The following EPB41L4B variants were observed in gnomAD, a reference collection of about 807,000 sequenced individuals.
EPB41L4B encodes band 4.1-like protein 4B.
EPB41L4B carries 30 observed loss-of-function variants against 112.5 expected under a neutral mutation model. The observed-to-expected ratio is 0.27, with a 90% CI of 0.20 to 0.36. EPB41L4B has a LOEUF of 0.36. Among genes scored for constraint, EPB41L4B ranks in the 10% least tolerant of loss-of-function variants. EPB41L4B has a pLI of 1.00. For synonymous variants in EPB41L4B, 408 were observed against 439.7 expected (o/e 0.93, Z 0.90); for missense variants, 1,024 against 1,133.3 (o/e 0.90, Z 1.38).
In EPB41L4B at chr9:109,266,294, T is replaced by C. The variant is rs1014866001; in HGVS notation, c.533+1179A>G. On this transcript the variant is annotated intron_variant, in intron 4 of 25. Coordinates refer to ENST00000374566, the MANE Select transcript of EPB41L4B (RefSeq NM_019114.5). ...GGGAGGCTGAGGTGGGAGGATCACT[T>C]GAGCCTGGGAGGTTGAGGCTGCAGT... Among the ~76,000 whole-genome samples the C allele has an allele frequency of 5.9e-5, 9 of 152,186 alleles. No individual in the cohort carries two copies. In the South Asian group the frequency reaches 1.7e-3, roughly 28 times the overall value.
At chr9:109,289,217 A>G (rs945118367) in intron 1 of EPB41L4B, among the ~76,000 whole-genome samples, 3 of 152,090 alleles carry the variant, frequency 2.0e-5, no homozygotes, top group Non-Finnish European at 4.4e-5. Context: ...AGGACCCTAC[A>G]TGTACCCTAG....
At position 109,275,552 on chromosome 9, in the gene EPB41L4B, AC is replaced by A. The variant is rs200867436; in HGVS notation, c.411+4264del. 4.6e-5 allele frequency among the ~76,000 whole-genome samples: 7 copies of A among 152,214 alleles called. No homozygotes were observed. The East Asian group carries it at 1.2e-3, about 25-fold the overall frequency. On this transcript the variant is annotated intron_variant, in intron 2 of 25. Transcript: ENST00000374566. ...TTACAGGTTCCAATCAGCTAACTGT[AC>A]CTTCTTAGCATGCTCACCCCTGGGG...
chr9:109,307,774 G>C (rs1837265552), intron 1 of EPB41L4B, among the ~76,000 whole-genome samples: 1 of 152,268 alleles, frequency 6.6e-6, no homozygotes, highest in Non-Finnish European at 1.5e-5. Flanking sequence ...AGGAGAGCTG[G>C]AGAAAGCCCC....
At chr9:109,320,066 T>C in intron 1 of EPB41L4B, 75 bp downstream of exon 1, 2 of 1,250,520 alleles carry the variant, frequency 1.6e-6, no homozygotes, top group Non-Finnish European at 2.1e-6. Flanking sequence ...GCGCCCCCGA[T>C]GCAAGCACTG....
intron 15 of EPB41L4B, among the ~76,000 whole-genome samples, chr9:109,222,526 G>A (rs974722236): frequency 2.0e-5 from 3 of 152,208 alleles, no homozygotes; most frequent in East Asian, 1.9e-4. Flanking sequence ...CAGAGGTCAA[G>A]CCCACCCTAG....
At chr9:109,230,261 G>A (rs1201468130) in intron 15 of EPB41L4B, among the ~76,000 whole-genome samples, 1 of 152,240 alleles carries the variant, frequency 6.6e-6, no homozygotes, top group Non-Finnish European at 1.5e-5. Flanking sequence ...GTAAATGGCA[G>A]AGCTGGGATT....
At chr9:109,183,882 T>A (rs1350923047) in intron 23 of EPB41L4B, among the ~76,000 whole-genome samples, 1 of 152,176 alleles carries the variant, frequency 6.6e-6, no homozygotes, top group Non-Finnish European at 1.5e-5. Context: ...ACACATTAGC[T>A]CAGACCCAAA....
chr9:109,313,371 T>C (rs550893717), intron 1 of EPB41L4B, among the ~76,000 whole-genome samples: 1 of 152,318 alleles, frequency 6.6e-6, no homozygotes, highest in East Asian at 1.9e-4. Context: ...AAAATTAATC[T>C]AGCTCTAGAG....
rs143435574 is a variant in EPB41L4B at position 109,281,917 on chromosome 9, T to C, written c.307-1996A>G. Among the ~76,000 whole-genome samples, 127 of 152,262 alleles carry C rather than the reference T, an allele frequency of 8.3e-4. 1 individual carries two copies. The East Asian group carries it at 0.022, about 26-fold the overall frequency. On this transcript the variant is annotated intron_variant, in intron 1 of 25. Transcript: ENST00000374566. Reference sequence around the variant, plus strand: ...TCTAGGTAAGAGAAATGAAAACATATGTTCACGTAAAAACTTGTACACAAA... The same window carrying C: ...TCTAGGTAAGAGAAATGAAAACATACGTTCACGTAAAAACTTGTACACAAA...
At chr9:109,197,252 G>A (rs759080652) in intron 20 of EPB41L4B, among the ~76,000 whole-genome samples, 1 of 151,960 alleles carries the variant, frequency 6.6e-6, no homozygotes, top group Non-Finnish European at 1.5e-5. Context: ...GGGAAACCCT[G>A]TCTCTACTAA....
At chr9:109,291,095 C>T (rs1836508789) in intron 1 of EPB41L4B, among the ~76,000 whole-genome samples, 1 of 152,088 alleles carries the variant, frequency 6.6e-6, no homozygotes, top group South Asian at 2.1e-4. Flanking sequence ...GGTTCTATGA[C>T]CCCATTTCGC....
intron 15 of EPB41L4B, among the ~76,000 whole-genome samples, chr9:109,235,756 C>T (rs571159411): frequency 5.9e-5 from 9 of 152,278 alleles, no homozygotes; most frequent in South Asian, 2.1e-4. Context: ...TACGACCTTA[C>T]GAACCACTAA....
At chr9:109,312,112 T>G (rs945647470) in intron 1 of EPB41L4B, among the ~76,000 whole-genome samples, 1 of 152,076 alleles carries the variant, frequency 6.6e-6, no homozygotes, top group South Asian at 2.1e-4. Flanking sequence ...ACCAAACTGG[T>G]GAGAAGCCTG....
At position 109,215,649 on chromosome 9, in the gene EPB41L4B, A is replaced by T. The variant is rs180710022; in HGVS notation, c.1633+1273T>A. ...ATTATAGGCACGTACCACTGCGTCC[A>T]GCCCTCAGTACTTTTCAAACCACAT... On this transcript the variant is annotated intron_variant, in intron 16 of 25. Coordinates refer to ENST00000374566, the MANE Select transcript of EPB41L4B (RefSeq NM_019114.5). Among the ~76,000 whole-genome samples the T allele has an allele frequency of 7.7e-4, 117 of 152,318 alleles. 1 individual carries two copies. The highest frequency in any genetic ancestry group is 2.6e-3 in the African/African-American group (110 of 41,566).
chr9:109,231,157 C>CAAAA lies in EPB41L4B; in HGVS notation c.1409+12457_1409+12460dup, dbSNP rs57118508. The stretch of plus-strand genomic sequence containing the variant: ...CTGGGTGACGAGTGAAACTCCATCT[C>CAAAA]AAAAAAAAAAAAAAAAAGGTCAAAA... On this transcript the variant is annotated intron_variant, in intron 15 of 25. Transcript: ENST00000374566. Among the ~76,000 whole-genome samples, 58 of 82,980 alleles carry CAAAA rather than the reference C, an allele frequency of 7.0e-4. 1 individual carries two copies. Among genetic ancestry groups the CAAAA allele is most frequent in the African/African-American group, 2.1e-3 (52 of 24,714 alleles). 54.4% of individuals were successfully genotyped at this position (82,980 alleles called of 152,430 possible).
chr9:109,279,198 CTTTT>C (rs774056556), intron 2 of EPB41L4B, among the ~76,000 whole-genome samples: 1 of 143,774 alleles, frequency 7.0e-6, no homozygotes, highest in Non-Finnish European at 1.5e-5. Flanking sequence ...CTTTCTTTTC[CTTTT>C]TTTTTTTTTT....
intron 3 of EPB41L4B, among the ~76,000 whole-genome samples, chr9:109,268,043 C>T (rs912936716): frequency 3.3e-5 from 5 of 152,170 alleles, no homozygotes; most frequent in African/African-American, 7.2e-5. Flanking sequence ...TATCAAAGAG[C>T]CCTCCTACTC....
chr9:109,185,506 G>A lies in EPB41L4B; in HGVS notation c.2401C>T (p.Pro801Ser). 2 of 1,614,010 alleles carry A rather than the reference G, an allele frequency of 1.2e-6. No individual in the cohort carries two copies. The highest frequency in any genetic ancestry group is 1.7e-6 in the Non-Finnish European group (2 of 1,179,906). ...GTACCTACCAGCCTCGTTTTGATTG[G>A]AGGGTACATGCAAACTCCAGTGGTC... ...EETTGVCMYP[P>S]IKTRLIKTFP... is the part of the protein sequence containing the mutation. The change falls in exon 23 of 26, where the codon CCA becomes TCA. Residue 801 changes from proline to serine, a missense_variant. Transcript: ENST00000374566.
rs556526172 is a variant in EPB41L4B, at chr9:109,255,270, G to A, written c.1169+241C>T. Among the ~76,000 whole-genome samples the A allele has an allele frequency of 4.6e-5, 7 of 152,328 alleles. No homozygotes were observed. The South Asian group carries it at 1.5e-3, about 32-fold the overall frequency. On this transcript the variant is annotated intron_variant, in intron 11 of 25. Transcript: ENST00000374566. ...TTGCCACGTGTGGCTAGTGCCTACT[G>A]TATTGAACAGCACAGCTCTGACTAA...
Sources: allele counts gnomAD v4.1 joint callset (sites outside exome capture counted in the v4.1 genomes callset), GRCh38; gene constraint gnomAD v4.1.1; transcripts MANE v1.5; gene names NCBI Gene and HGNC (gene_info 2026-07-23, HGNC 2026-07-21).